The following ATXN7 variants were observed in gnomAD, a reference collection of about 807,000 sequenced individuals.
The protein encoded by ATXN7 is ataxin 7.
A neutral mutation model predicts 70.5 loss-of-function variants in ATXN7; 12 were observed. That is an observed-to-expected ratio of 0.17 (90% CI 0.11 to 0.28). ATXN7 has a LOEUF of 0.28. Ranked by LOEUF, ATXN7 falls within the 10% of genes least tolerant of loss-of-function variation. The pLI, the probability that ATXN7 is intolerant of heterozygous loss-of-function variation, is 1.00. For missense variants in ATXN7, 1,256 were observed against 1,131.7 expected, an observed-to-expected ratio of 1.11 and a Z score of -1.58; for synonymous variants, 498 against 448.7, an observed-to-expected ratio of 1.11 and a Z score of -1.39.
chr3:63,930,438 A>G (rs1204277722), intron 4 of ATXN7, among the ~76,000 whole-genome samples: 4 of 152,290 alleles, frequency 2.6e-5, no homozygotes, highest in Admixed American at 6.5e-5. Context: ...GGCCTTGGCC[A>G]TGATTCTGTC....
In ATXN7 at chr3:63,980,032, C is replaced by A; in HGVS notation, c.617C>A (p.Ser206Tyr). The change falls in exon 6 of 13, where the codon TCT (serine) becomes TAT (tyrosine). Residue 206 changes from serine to tyrosine, a missense_variant. Physicochemically the swap from Ser to Tyr is moderately radical, Grantham distance 144 (BLOSUM62 -2). Coordinates refer to ENST00000674280, the MANE Select transcript of ATXN7 (RefSeq NM_001377405.1). ...GGCAGTGCAAGTGGAAGCAACCGTTCTTCCAGTGGAGGTGTTCTTAGCGCA... is the reference window on the plus strand; with the variant it reads ...GGCAGTGCAAGTGGAAGCAACCGTTATTCCAGTGGAGGTGTTCTTAGCGCA... ...KGGSASGSNR[S>Y]SSGGVLSASS... The A allele has an allele frequency of 6.2e-7, 1 of 1,614,178 alleles. No individual in the cohort carries two copies. The highest frequency in any genetic ancestry group is 8.5e-7 in the Non-Finnish European group (1 of 1,180,032).
At position 63,912,684 on chromosome 3, in the gene ATXN7, GGCAGCAGCAGCAGCA is replaced by G. The variant is rs193922929; in HGVS notation, c.104_118del (p.Gln35_Gln39del). ...GGCGGAGCAGCGGCCGCGGCCGCCC[GGCAGCAGCAGCAGCA>G]GCAGCAGCAGCAGCAGCCGCCGCCT... On this transcript the variant is annotated inframe_deletion, in exon 3 of 13. Transcript: ENST00000674280. 5.1e-5 allele frequency: 55 copies of G among 1,087,046 alleles called. No individual in the cohort carries two copies. Among genetic ancestry groups the G allele is most frequent in the Non-Finnish European group, 5.9e-5 (53 of 892,790 alleles). 67.3% of individuals were successfully genotyped at this position (1,087,046 alleles called of 1,614,324 possible).
intron 4 of ATXN7, among the ~76,000 whole-genome samples, chr3:63,919,062 T>C (rs1267403081): frequency 6.6e-6 from 1 of 152,152 alleles, no homozygotes; most frequent in Non-Finnish European, 1.5e-5. Context: ...AGCAGGGACT[T>C]TTCCCCAGTT....
intron 4 of ATXN7, among the ~76,000 whole-genome samples, chr3:63,921,077 A>G (rs1218541880): frequency 1.3e-5 from 2 of 152,238 alleles, no homozygotes; most frequent in Non-Finnish European, 2.9e-5. Flanking sequence ...ATAAATGAGC[A>G]GAAGAAGGAG....
At chr3:63,978,026 T>G (rs1430194604) in intron 5 of ATXN7, among the ~76,000 whole-genome samples, 3 of 152,222 alleles carry the variant, frequency 2.0e-5, no homozygotes, top group African/African-American at 7.2e-5. Flanking sequence ...GCAGGCAGTA[T>G]TCTCAGTGCC....
chr3:63,972,574 T>C (rs543400701), intron 5 of ATXN7, among the ~76,000 whole-genome samples: 1 of 152,330 alleles, frequency 6.6e-6, no homozygotes, highest in African/African-American at 2.4e-5. Context: ...ATTTGAGACT[T>C]GATCTTCATT....
chr3:63,890,986 TTTTTA>T (rs768590018), intron 1 of ATXN7, among the ~76,000 whole-genome samples: 10 of 152,012 alleles, frequency 6.6e-5, no homozygotes, highest in African/African-American at 9.7e-5. Flanking sequence ...AACATTTCTT[TTTTTA>T]TTTTATTTTA....
In ATXN7 at chr3:63,985,892, A is replaced by G. The variant is rs187583726; in HGVS notation, c.1096-2167A>G. Among the ~76,000 whole-genome samples, 161 of 152,338 alleles carry G rather than the reference A, an allele frequency of 1.1e-3. 1 individual carries two copies. The highest frequency in any genetic ancestry group is 2.4e-4 in the Non-Finnish European group (16 of 68,034). On this transcript the variant is annotated intron_variant, in intron 8 of 12. Transcript: ENST00000674280. ...TTAGCACAATAACCACGTGTTCCCT[A>G]TGCTTGTGGTGCTTACAGTCTAATG...
chr3:63,955,040 C>G (rs997751068), intron 5 of ATXN7, among the ~76,000 whole-genome samples: 1 of 152,170 alleles, frequency 6.6e-6, no homozygotes, highest in African/African-American at 2.4e-5. Flanking sequence ...ATTTTTCTGT[C>G]TTTCTCCTTT....
At chr3:63,974,308 G>C (rs937908422) in intron 5 of ATXN7, among the ~76,000 whole-genome samples, 8 of 152,226 alleles carry the variant, frequency 5.3e-5, no homozygotes, top group African/African-American at 1.9e-4. Context: ...TGTCATCGAT[G>C]ACAAATGTTC....
chr3:63,925,546 A>AT (rs1704684011), intron 4 of ATXN7, among the ~76,000 whole-genome samples: 1 of 151,684 alleles, frequency 6.6e-6, no homozygotes, highest in Non-Finnish European at 1.5e-5. Flanking sequence ...GGTTCCCCTG[A>AT]CCCCCCCAAC....
chr3:63,923,337 C>G (rs1704575680), intron 4 of ATXN7, among the ~76,000 whole-genome samples: 2 of 152,094 alleles, frequency 1.3e-5, no homozygotes, highest in Admixed American at 1.3e-4. Context: ...CAGATGGAGC[C>G]CCAGCCCTCT....
chr3:63,996,168 G>C lies in ATXN7; in HGVS notation c.2346G>C (p.Gly782=). The change falls in exon 12 of 13, where the codon GGG becomes GGC. Residue 782 remains glycine, a synonymous_variant. Coordinates refer to ENST00000674280, the MANE Select transcript of ATXN7 (RefSeq NM_001377405.1). Reference sequence around the variant, plus strand: ...AGTCAGGGAGGGGCCCCCCCACCGGGAGCCCTGCTGAATCCATCAAGAGGA... The same window carrying C: ...AGTCAGGGAGGGGCCCCCCCACCGGCAGCCCTGCTGAATCCATCAAGAGGA... ...HDQSGRGPPT[G]SPAESIKRMS... is the part of the protein sequence containing the mutation. 6.2e-7 allele frequency: 1 copy of C among 1,614,164 alleles called. No homozygotes were observed. Among genetic ancestry groups the C allele is most frequent in the Non-Finnish European group, 8.5e-7 (1 of 1,180,046 alleles).
intron 5 of ATXN7, among the ~76,000 whole-genome samples, chr3:63,974,506 C>T (rs1649105869): frequency 6.6e-6 from 1 of 152,236 alleles, no homozygotes; most frequent in Admixed American, 6.5e-5. Flanking sequence ...CTGGAGTCAG[C>T]CTGCCTGGGA....
At chr3:63,938,180 AC>A (rs2074696936) in intron 4 of ATXN7, among the ~76,000 whole-genome samples, 1 of 152,170 alleles carries the variant, frequency 6.6e-6, no homozygotes, top group Non-Finnish European at 1.5e-5. Flanking sequence ...AGGTATGTTG[AC>A]CAGGTTCCCC....
chr3:63,877,302 G>C (rs1575837200), intron 1 of ATXN7, among the ~76,000 whole-genome samples: 1 of 152,094 alleles, frequency 6.6e-6, no homozygotes, highest in East Asian at 1.9e-4. Flanking sequence ...GGAAATAAAA[G>C]TTACTCATAC....
At chr3:63,951,889 A>G (rs2074959739) in intron 4 of ATXN7, among the ~76,000 whole-genome samples, 3 of 152,212 alleles carry the variant, frequency 2.0e-5, no homozygotes, top group Non-Finnish European at 2.9e-5. Context: ...CTTGGAAAAA[A>G]TATATTAAAA....
rs1475771939 is a variant in ATXN7, at chr3:63,864,171, G to A, written c.-111+13G>A. On this transcript the variant is annotated intron_variant, in intron 1 of 12. Transcript: ENST00000674280. Reference sequence around the variant, plus strand: ...AGCCAGCCGCCAGGTGAGCTCGCCCGGACGCCGCCAGGGCTGCGGGGGTGC... The same window carrying A: ...AGCCAGCCGCCAGGTGAGCTCGCCCAGACGCCGCCAGGGCTGCGGGGGTGC... Among the ~76,000 whole-genome samples, 2 of 150,108 alleles carry A rather than the reference G, an allele frequency of 1.3e-5. No homozygotes were observed. The highest frequency in any genetic ancestry group is 2.4e-5 in the African/African-American group (1 of 41,070).
intron 4 of ATXN7, among the ~76,000 whole-genome samples, chr3:63,947,261 T>G (rs927920438): frequency 2.0e-4 from 31 of 152,072 alleles, no homozygotes; most frequent in Admixed American, 2.0e-3. Flanking sequence ...CCCAGTGAAG[T>G]AGGTACTATG....
Sources: allele counts gnomAD v4.1 joint callset (sites outside exome capture counted in the v4.1 genomes callset), GRCh38; gene constraint gnomAD v4.1.1; transcripts MANE v1.5; gene names NCBI Gene and HGNC (gene_info 2026-07-23, HGNC 2026-07-21).